DRC2: variants seen among roughly 807,000 people sequenced by gnomAD.
The protein encoded by DRC2 is coiled-coil domain containing 65.
the DRC2 span, among the ~76,000 whole-genome samples, chr12:48,916,009 G>A: frequency 2.0e-5 from 3 of 149,218 alleles, no homozygotes; most frequent in Non-Finnish European, 4.5e-5. Context: ...ATGGGCGGCC[G>A]GGCAGAGACG....
the DRC2 span, among the ~76,000 whole-genome samples, chr12:48,920,631 T>TCCATCTCAGCCTCC: frequency 1.3e-5 from 2 of 151,172 alleles, no homozygotes; most frequent in African/African-American, 2.4e-5. Flanking sequence ...AAGTGATCCT[T>TCCATCTCAGCCTCC]CCATCTCAGC....
chr12:48,904,200 A>C, the DRC2 span: 3 of 1,165,852 alleles, frequency 2.6e-6, no homozygotes, highest in Non-Finnish European at 3.6e-6. Context: ...TCGAGGGCTG[A>C]GATCTCCGGT....
chr12:48,908,573 T>G, the DRC2 span, among the ~76,000 whole-genome samples: 3 of 49,688 alleles, frequency 6.0e-5, no homozygotes, highest in African/African-American at 2.4e-4. Flanking sequence ...CTACCAGGAT[T>G]ATTATTATTA....
chr12:48,921,094 G>A, the DRC2 span: 12 of 1,610,802 alleles, frequency 7.4e-6, no homozygotes, highest in Non-Finnish European at 1.0e-5. Flanking sequence ...TAAAGCCCGG[G>A]GGATGGTGGG....
At chr12:48,918,741 T>C in the DRC2 span, 3 of 1,614,078 alleles carry the variant, frequency 1.9e-6, no homozygotes, top group Non-Finnish European at 2.5e-6. Context: ...AGAGTGAAGA[T>C]GAGAACCGGT....
chr12:48,906,492 T>C, the DRC2 span, among the ~76,000 whole-genome samples: 1 of 151,494 alleles, frequency 6.6e-6, no homozygotes, highest in African/African-American at 2.4e-5. Context: ...TCATGTCGGT[T>C]AGGCTGGTCT....
chr12:48,921,296 G>A, the DRC2 span: 9 of 1,614,212 alleles, frequency 5.6e-6, no homozygotes, highest in South Asian at 8.8e-5. Flanking sequence ...GGGAGATGCT[G>A]AAGCAGTACT....
chr12:48,912,437 C>CAAAAAAAAAAAAAAAAAAAAAAAAAA, the DRC2 span, among the ~76,000 whole-genome samples: 31 of 45,362 alleles, frequency 6.8e-4, 7 homozygotes, highest in African/African-American at 1.7e-3. Flanking sequence ...GACGCCGTCT[C>CAAAAAAAAAAAAAAAAAAAAAAAAAA]AAAAAAAAAA....
chr12:48,918,737 A>C, the DRC2 span: 8 of 1,614,028 alleles, frequency 5.0e-6, no homozygotes, highest in Non-Finnish European at 5.9e-6. Context: ...CGTGAGAGTG[A>C]AGATGAGAAC....
the DRC2 span, among the ~76,000 whole-genome samples, chr12:48,917,447 G>A: frequency 6.6e-6 from 1 of 151,926 alleles, no homozygotes; most frequent in African/African-American, 2.4e-5. Flanking sequence ...CTGGGTGACA[G>A]AGCGAGACCC....
At chr12:48,917,009 T>A in the DRC2 span, 1 of 1,614,094 alleles carries the variant, frequency 6.2e-7, no homozygotes, top group Admixed American at 1.7e-5. Context: ...AGATTCACTA[T>A]CTGCAAGATA....
the DRC2 span, chr12:48,904,281 G>A: frequency 6.8e-5 from 108 of 1,577,850 alleles, no homozygotes; most frequent in Non-Finnish European, 8.6e-5. Context: ...TCTAAGCTCT[G>A]TAACGCGGGC....
the DRC2 span, among the ~76,000 whole-genome samples, chr12:48,919,218 CTACT>C: frequency 7.2e-6 from 1 of 138,958 alleles, no homozygotes; most frequent in South Asian, 2.4e-4. Flanking sequence ...GAGCCCCTTC[CTACT>C]TTTTTTTTTT....
At chr12:48,908,409 CTACTT>C in the DRC2 span, among the ~76,000 whole-genome samples, 1 of 151,884 alleles carries the variant, frequency 6.6e-6, no homozygotes, top group Non-Finnish European at 1.5e-5. Flanking sequence ...TATAAGTCGT[CTACTT>C]TAAAGTAGTT....
chr12:48,912,437 C>CAAAAAAAAAAAAAAAAAACAAA, the DRC2 span, among the ~76,000 whole-genome samples: 1 of 45,356 alleles, frequency 2.2e-5, no homozygotes, highest in Non-Finnish European at 3.7e-5. Context: ...GACGCCGTCT[C>CAAAAAAAAAAAAAAAAAACAAA]AAAAAAAAAA....
At chr12:48,904,260 G>A in the DRC2 span, 1 of 1,525,328 alleles carries the variant, frequency 6.6e-7, no homozygotes, top group Non-Finnish European at 8.8e-7. Context: ...CCTTTCTAGG[G>A]ACATTTTTCT....
the DRC2 span, among the ~76,000 whole-genome samples, chr12:48,914,195 A>T: frequency 2.3e-4 from 35 of 151,692 alleles, 2 homozygotes; most frequent in East Asian, 6.0e-3. Flanking sequence ...CACCTTGGCT[A>T]CCCAAAGTGT....
At chr12:48,919,517 ATTAT>A in the DRC2 span, among the ~76,000 whole-genome samples, 1 of 144,116 alleles carries the variant, frequency 6.9e-6, no homozygotes, top group African/African-American at 2.6e-5. Flanking sequence ...ATTTTAATTA[ATTAT>A]TTTTTTTTTT....
the DRC2 span, chr12:48,905,121 C>G: frequency 6.3e-7 from 1 of 1,585,868 alleles, no homozygotes; most frequent in Non-Finnish European, 8.6e-7. Context: ...AAGGTAGGCA[C>G]TCTTTCCAAG....
Sources: allele counts gnomAD v4.1 joint callset (sites outside exome capture counted in the v4.1 genomes callset), GRCh38; gene constraint gnomAD v4.1.1; transcripts MANE v1.5; gene names NCBI Gene and HGNC (gene_info 2026-07-23, HGNC 2026-07-21).